Variants in PRDM10 observed in about 807,000 individuals in gnomAD.
PRDM10 encodes PR domain zinc finger protein 10.
PRDM10 carries 65 observed loss-of-function variants against 133.1 expected under a neutral mutation model. The ratio of observed to expected loss-of-function variants is 0.49; its 90% CI spans 0.40 to 0.60. The LOEUF is 0.60. PRDM10 is among the 20% of genes least tolerant of loss of function. The pLI, the probability that PRDM10 is intolerant of heterozygous loss-of-function variation, is 0.00. For missense variants in PRDM10, 1,137 were observed against 1,507.1 expected (o/e 0.75, Z 4.07); for synonymous variants, 582 against 580.4 (o/e 1.00, Z -0.04).
chr11:129,947,607 C>A lies in PRDM10; in HGVS notation c.295-237G>T. 2 of 1,368,938 alleles carry A rather than the reference C, an allele frequency of 1.5e-6. No homozygotes were observed. Among genetic ancestry groups the A allele is most frequent in the South Asian group, 3.1e-5 (2 of 64,290 alleles). 84.8% of individuals were successfully genotyped at this position (1,368,938 alleles called of 1,614,324 possible). A position where few individuals can be genotyped will look rare whatever the true frequency, so the allele number is the denominator to read the frequency against. ...TGCCCTCCCTCTGCCCCTTCTGTCC[C>A]ACACCTGGGAGGGCTGCTAAGAAGG... On this transcript the variant is annotated intron_variant, in intron 4 of 20. Transcript: ENST00000360871. This position sits in a 1 kb window ranked among gnomAD's most constrained non-coding sequence, Gnocchi z 4.6.
At chr11:129,932,295 C>A in intron 9 of PRDM10, 64 bp from the exon 10 acceptor site, 1 of 1,569,820 alleles carries the variant, frequency 6.4e-7, no homozygotes, top group Non-Finnish European at 8.7e-7. Flanking sequence ...CAAGTAGCGA[C>A]CTAAATGATC....
intron 19 of PRDM10, 137 bp from the exon 20 acceptor site, chr11:129,905,878 G>T: frequency 1.4e-6 from 1 of 737,964 alleles, no homozygotes; most frequent in Non-Finnish European, 2.3e-6. Context: ...ATTTCTTGGT[G>T]CCGTGAAAGC....
At chr11:130,000,388 A>G (rs1939285308) in intron 1 of PRDM10, among the ~76,000 whole-genome samples, 1 of 152,204 alleles carries the variant, frequency 6.6e-6, no homozygotes, top group South Asian at 2.1e-4. Flanking sequence ...TCTTAAAACT[A>G]GAAGGAAAAA....
At chr11:129,942,393 G>A (rs1200394200) in intron 7 of PRDM10, 33 bp downstream of exon 7, 1 of 1,581,148 alleles carries the variant, frequency 6.3e-7, no homozygotes, top group South Asian at 1.1e-5. Flanking sequence ...ACTCTTGCTA[G>A]CAAATAGCAG....
chr11:129,976,670 T>C lies in PRDM10; in HGVS notation c.-118-15588A>G, dbSNP rs376273081. Among the ~76,000 whole-genome samples, 9 of 152,320 alleles carry C rather than the reference T, an allele frequency of 5.9e-5. No individual in the cohort carries two copies. The East Asian group carries it at 7.7e-4, about 13-fold the overall frequency. ...GAATGAAAATAAAGAGCTTCTATTATGTTCATTCACTTGGAAGGAACGTAA... is the reference window on the plus strand; with the variant it reads ...GAATGAAAATAAAGAGCTTCTATTACGTTCATTCACTTGGAAGGAACGTAA... On this transcript the variant is annotated intron_variant, in intron 1 of 20. Transcript: ENST00000360871.
chr11:129,997,117 T>A (rs774309977), intron 1 of PRDM10, among the ~76,000 whole-genome samples: 23 of 152,174 alleles, frequency 1.5e-4, no homozygotes, highest in Non-Finnish European at 2.9e-4. Context: ...CTGTCAACGG[T>A]GCAAACGTGG....
chr11:129,913,844 G>T (rs1950267319), intron 17 of PRDM10, among the ~76,000 whole-genome samples: 1 of 152,190 alleles, frequency 6.6e-6, no homozygotes, highest in South Asian at 2.1e-4. Flanking sequence ...GTTCATTTGT[G>T]CCTTGGGGAC....
At chr11:129,975,425 CA>C (rs879751419) in intron 1 of PRDM10, among the ~76,000 whole-genome samples, 1,487 of 138,066 alleles carry the variant, frequency 0.011, 19 homozygotes, top group African/African-American at 0.034. Flanking sequence ...ATCTCCATCT[CA>C]AAAAAAAAAA....
In PRDM10 at chr11:129,943,300, T is replaced by C. The variant is rs79544610; in HGVS notation, c.763-671A>G. ...TCAGACCTGTTTCAAAACTACAAAG[T>C]GGTTTTCTTGCAAACATTACTGGCA... On this transcript the variant is annotated intron_variant, in intron 6 of 20. Coordinates refer to ENST00000360871, the MANE Select transcript of PRDM10 (RefSeq NM_199437.2). Among the ~76,000 whole-genome samples, 19 of 152,316 alleles carry C rather than the reference T, an allele frequency of 1.2e-4. No homozygotes were observed. The East Asian group carries it at 3.7e-3, about 29-fold the overall frequency.
At chr11:129,989,132 T>A (rs1021830866) in intron 1 of PRDM10, among the ~76,000 whole-genome samples, 1 of 152,060 alleles carries the variant, frequency 6.6e-6, no homozygotes, top group South Asian at 2.1e-4. Flanking sequence ...CAGAGTAACA[T>A]AGAAAGCTAG....
At chr11:129,985,750 C>T (rs1490591869) in intron 1 of PRDM10, among the ~76,000 whole-genome samples, 1 of 124,384 alleles carries the variant, frequency 8.0e-6, no homozygotes, top group Non-Finnish European at 1.6e-5. Context: ...CCACTGCACT[C>T]CAGCCTGGGT....
chr11:129,902,594 G>A (rs1949876412), intron 20 of PRDM10, 78 bp from the exon 21 acceptor site: 1 of 1,513,744 alleles, frequency 6.6e-7, no homozygotes, highest in East Asian at 2.4e-5. Flanking sequence ...GGAGGGAGAT[G>A]TGAAGAAATG....
At chr11:129,965,535 A>G (rs1399791833) in intron 1 of PRDM10, among the ~76,000 whole-genome samples, 1 of 152,136 alleles carries the variant, frequency 6.6e-6, no homozygotes, top group Admixed American at 6.5e-5. Context: ...ATGGACAGCC[A>G]CAGCTATACC....
At chr11:129,934,331 A>G (rs1381290061) in intron 9 of PRDM10, among the ~76,000 whole-genome samples, 1 of 152,202 alleles carries the variant, frequency 6.6e-6, no homozygotes, top group Non-Finnish European at 1.5e-5. Context: ...TCGCTTTCCC[A>G]CTTACCCAAC....
intron 9 of PRDM10, among the ~76,000 whole-genome samples, chr11:129,932,941 A>C (rs1186477845): frequency 6.6e-6 from 1 of 151,828 alleles, no homozygotes; most frequent in Non-Finnish European, 1.5e-5. Flanking sequence ...AATTTTATTT[A>C]ATTTTTTGTA....
chr11:129,960,055 G>A (rs80203705), intron 2 of PRDM10, among the ~76,000 whole-genome samples: 2 of 151,452 alleles, frequency 1.3e-5, no homozygotes, highest in Non-Finnish European at 2.9e-5. Context: ...ACCATATTTG[G>A]TCCATACTGA....
chr11:129,938,150 A>G (rs1381739685), intron 7 of PRDM10, among the ~76,000 whole-genome samples: 1 of 151,698 alleles, frequency 6.6e-6, no homozygotes, highest in Admixed American at 6.6e-5. Flanking sequence ...ACTTCTAAAT[A>G]TTGGTGTGGC....
In PRDM10 at chr11:129,918,851, A is replaced by T. The variant is rs748906255; in HGVS notation, c.2035-133T>A. The T allele has an allele frequency of 2.6e-5, 23 of 871,070 alleles. No homozygotes were observed. The highest frequency in any genetic ancestry group is 3.7e-5 in the Non-Finnish European group (21 of 560,484). The allele number at this position is 871,070 out of a possible 1,614,324, so 54.0% of individuals were successfully genotyped here. The stretch of plus-strand genomic sequence containing the variant: ...CAAGAGACATTTGAGTTGCTGGAAC[A>T]CTAGGACGCAGACATGTTAAAAGTG... On this transcript the variant is annotated intron_variant, in intron 13 of 20. Coordinates refer to ENST00000360871, the MANE Select transcript of PRDM10 (RefSeq NM_199437.2). This position sits in a 1 kb window ranked among gnomAD's most constrained non-coding sequence, Gnocchi z 5.3.
At chr11:129,917,077 T>C (rs1950381169) in intron 15 of PRDM10, 50 bp downstream of exon 15, 1 of 1,379,606 alleles carries the variant, frequency 7.2e-7, no homozygotes, top group African/African-American at 1.4e-5. Flanking sequence ...ACAAGTCAGC[T>C]CTAAGCAGGG....
Sources: allele counts gnomAD v4.1 joint callset (sites outside exome capture counted in the v4.1 genomes callset), GRCh38; gene constraint gnomAD v4.1.1; non-coding constraint Gnocchi (gnomAD v3.1); transcripts MANE v1.5; gene names NCBI Gene and HGNC (gene_info 2026-07-23, HGNC 2026-07-21).